The following DPP10 variants were observed in gnomAD, a reference collection of about 807,000 sequenced individuals.
DPP10 encodes dipeptidyl peptidase like 10.
In DPP10, 33 loss-of-function variants were observed where a neutral mutation model predicts 120.9. The observed-to-expected ratio is 0.27, with a 90% CI of 0.21 to 0.37. The LOEUF (loss-of-function observed/expected upper bound fraction) is 0.37, where lower values mean the gene tolerates loss of function less well. Ranked by LOEUF, DPP10 falls within the 10% of genes least tolerant of loss-of-function variation. The probability of loss-of-function intolerance (pLI) is 1.00; values close to 1 mark genes in which losing one functional copy is unlikely to be tolerated. For synonymous variants in DPP10, 337 were observed against 326.1 expected, an observed-to-expected ratio of 1.03 and a Z score of -0.36; for missense variants, 816 against 942.8, an observed-to-expected ratio of 0.87 and a Z score of 1.76.
chr2:114,542,122 A>ACTGC (rs1186264442), intron 1 of DPP10, among the ~76,000 whole-genome samples: 1 of 141,460 alleles, frequency 7.1e-6, no homozygotes, highest in Non-Finnish European at 1.5e-5. Flanking sequence ...ATCTTGGCTC[A>ACTGC]CTGCAACCTC....
chr2:114,650,888 T>C (rs1337789378), intron 1 of DPP10, among the ~76,000 whole-genome samples: 2 of 152,194 alleles, frequency 1.3e-5, no homozygotes, highest in African/African-American at 4.8e-5. Context: ...ACATACTCTT[T>C]TTACTGCCTA....
intron 1 of DPP10, among the ~76,000 whole-genome samples, chr2:114,778,464 A>G (rs319843): frequency 0.57 from 86,713 of 151,798 alleles, 25,362 homozygotes; most frequent in African/African-American, 0.67. Context: ...CAACATAAAT[A>G]TTTATTTCTT....
chr2:115,422,033 A>T (rs2070020120), intron 3 of DPP10, among the ~76,000 whole-genome samples: 1 of 152,078 alleles, frequency 6.6e-6, no homozygotes, highest in South Asian at 2.1e-4. Context: ...ACAACTCACT[A>T]GGTTTGATTC....
chr2:114,685,162 T>C (rs1199864896), intron 1 of DPP10, among the ~76,000 whole-genome samples: 2 of 152,020 alleles, frequency 1.3e-5, no homozygotes, highest in Non-Finnish European at 2.9e-5. Flanking sequence ...TTCCTCTTTC[T>C]CTTCCTAGCT....
chr2:115,604,756 C>A (rs1333991527), intron 5 of DPP10, among the ~76,000 whole-genome samples: 1 of 152,122 alleles, frequency 6.6e-6, no homozygotes, highest in Non-Finnish European at 1.5e-5. Flanking sequence ...GCATACTTTT[C>A]ATGAGGTCAT....
At chr2:114,736,291 C>A (rs185992539) in intron 1 of DPP10, among the ~76,000 whole-genome samples, 196 of 152,182 alleles carry the variant, frequency 1.3e-3, no homozygotes, top group African/African-American at 4.6e-3. Context: ...GATACATCTA[C>A]CTACATTCGA....
intron 1 of DPP10, among the ~76,000 whole-genome samples, chr2:114,799,973 G>A (rs1473697322): frequency 6.6e-6 from 1 of 152,196 alleles, no homozygotes; most frequent in African/African-American, 2.4e-5. Context: ...CCTTGAATAT[G>A]AGGAATGTAC....
At chr2:115,317,480 T>G (rs1347804427) in intron 2 of DPP10, among the ~76,000 whole-genome samples, 3 of 152,184 alleles carry the variant, frequency 2.0e-5, no homozygotes, top group African/African-American at 7.2e-5. Flanking sequence ...TGGGGTTATA[T>G]ACCTAGGAAT....
At chr2:115,064,561 C>A in intron 1 of DPP10, 1 of 962,814 alleles carries the variant, frequency 1.0e-6, no homozygotes, top group South Asian at 2.0e-5. Context: ...GCCCCACCAC[C>A]CACCCCTACA....
intron 1 of DPP10, among the ~76,000 whole-genome samples, chr2:115,072,169 T>A (rs2105460687): frequency 6.6e-6 from 1 of 152,202 alleles, no homozygotes; most frequent in African/African-American, 2.4e-5. Context: ...CCTTCCCCAC[T>A]GTTTTTTTTA....
Position 115,652,796 on chromosome 2 carries a change from G to A in DPP10, c.442-36891G>A, listed in dbSNP as rs185259652. On this transcript the variant is annotated intron_variant, in intron 5 of 25. Transcript: ENST00000410059. ...AGGCCCACTCACACTGGGGAGGGCT[G>A]TCTGTATTACTCAGTCTGTTGATTC... Among the ~76,000 whole-genome samples, 639 of 151,998 alleles carry A rather than the reference G, an allele frequency of 4.2e-3. 8 individuals carry two copies. Among genetic ancestry groups the A allele is most frequent in the Middle Eastern group, 0.014 (4 of 294 alleles).
chr2:115,628,539 A>AT (rs371584206), intron 5 of DPP10, among the ~76,000 whole-genome samples: 1 of 151,782 alleles, frequency 6.6e-6, no homozygotes, highest in South Asian at 2.1e-4. Flanking sequence ...CCATTTGTTA[A>AT]TTTTTTCTTT....
At chr2:114,982,860 G>A (rs567551948) in intron 1 of DPP10, among the ~76,000 whole-genome samples, 6 of 151,998 alleles carry the variant, frequency 3.9e-5, no homozygotes, top group South Asian at 4.2e-4. Flanking sequence ...GCCCACCTGA[G>A]CCTCCCAAAG....
chr2:115,740,011 C>A, intron 9 of DPP10, 118 bp downstream of exon 9: 1 of 1,097,664 alleles, frequency 9.1e-7, no homozygotes, highest in Non-Finnish European at 1.3e-6. Context: ...GTTTTCCTTA[C>A]TTGTCAGACT....
chr2:115,236,812 C>T (rs929884301), intron 1 of DPP10, among the ~76,000 whole-genome samples: 7 of 151,972 alleles, frequency 4.6e-5, no homozygotes, highest in African/African-American at 1.7e-4. Flanking sequence ...CTCTGATATC[C>T]TCTCTCATGG....
At chr2:115,363,764 T>C (rs757365363) in intron 3 of DPP10, among the ~76,000 whole-genome samples, 10 of 152,336 alleles carry the variant, frequency 6.6e-5, no homozygotes, top group Admixed American at 1.3e-4. Context: ...TCTATGACTT[T>C]GGGCAAGTCA....
intron 1 of DPP10, among the ~76,000 whole-genome samples, chr2:115,257,112 C>T (rs540624185): frequency 3.2e-4 from 49 of 152,304 alleles, no homozygotes; most frequent in Non-Finnish European, 6.6e-4. Flanking sequence ...ATTTTGGTCT[C>T]AACCATTTAA....
At chr2:115,341,287 T>G (rs1454904240) in intron 2 of DPP10, among the ~76,000 whole-genome samples, 2 of 152,130 alleles carry the variant, frequency 1.3e-5, no homozygotes, top group East Asian at 3.8e-4. Context: ...AGATTATTTT[T>G]CAGAGAAATT....
intron 7 of DPP10, among the ~76,000 whole-genome samples, chr2:115,725,830 C>T (rs78719801): frequency 6.6e-6 from 1 of 152,034 alleles, no homozygotes; most frequent in African/African-American, 2.4e-5. Flanking sequence ...CGTTGTGCAC[C>T]TGTGTTGTAT....
Sources: allele counts gnomAD v4.1 joint callset (sites outside exome capture counted in the v4.1 genomes callset), GRCh38; gene constraint gnomAD v4.1.1; transcripts MANE v1.5; gene names NCBI Gene and HGNC (gene_info 2026-07-23, HGNC 2026-07-21).